Variants in ZC3H12B observed in about 807,000 individuals in gnomAD.
The protein encoded by ZC3H12B is zinc finger CCCH-type containing 12B, also known as probable ribonuclease ZC3H12B.
In ZC3H12B, 7 loss-of-function variants were observed where a neutral mutation model predicts 43.9. The observed-to-expected ratio is 0.16, with a 90% CI of 0.09 to 0.30. The LOEUF (loss-of-function observed/expected upper bound fraction) is 0.30. Among genes scored for constraint, ZC3H12B ranks in the 10% least tolerant of loss-of-function variants. The pLI, the probability that ZC3H12B is intolerant of heterozygous loss-of-function variation, is 1.00. For missense variants in ZC3H12B, 475 were observed against 670.2 expected, an observed-to-expected ratio of 0.71 and a Z score of 3.22; for synonymous variants, 222 against 241.7, an observed-to-expected ratio of 0.92 and a Z score of 0.76.
At chrX:65,157,358 C>A in the ZC3H12B span, among the ~76,000 whole-genome samples, 1 of 112,175 alleles carries the variant, frequency 8.9e-6, no homozygotes, top group Non-Finnish European at 1.9e-5. Context: ...TTCAGCCTTC[C>A]TTACTTTCTA....
the ZC3H12B span, among the ~76,000 whole-genome samples, chrX:65,246,217 G>T: frequency 1.3e-4 from 14 of 110,340 alleles, no homozygotes; most frequent in African/African-American, 4.2e-4. Context: ...GAGGTGAAAG[G>T]TCTCTATGGG....
chrX:65,138,400 A>G, the ZC3H12B span, among the ~76,000 whole-genome samples: 18 of 111,492 alleles, frequency 1.6e-4, no homozygotes, highest in East Asian at 4.0e-3. Flanking sequence ...TATTGCCACA[A>G]ATGACAGGAT....
chrX:65,057,043 T>G, the ZC3H12B span, among the ~76,000 whole-genome samples: 1 of 112,161 alleles, frequency 8.9e-6, no homozygotes, highest in African/African-American at 3.2e-5. Context: ...TTTATCCAAT[T>G]TGCCAGTCTG....
At chrX:65,209,664 G>C in the ZC3H12B span, among the ~76,000 whole-genome samples, 1 of 110,177 alleles carries the variant, frequency 9.1e-6, no homozygotes, top group Non-Finnish European at 1.9e-5. Flanking sequence ...TGTTGATTTG[G>C]GGTGGAGAGT....
chrX:65,405,242 G>A (rs571172812), intron 3 of ZC3H12B, among the ~76,000 whole-genome samples: 1 of 112,246 alleles, frequency 8.9e-6, no homozygotes, highest in African/African-American at 3.2e-5. Flanking sequence ...CAAAAAAGAG[G>A]AATAACTTCA....
intron 3 of ZC3H12B, among the ~76,000 whole-genome samples, chrX:65,430,530 T>C (rs2067145615): frequency 1.3e-5 from 1 of 78,992 alleles, no homozygotes; most frequent in Admixed American, 1.6e-4. Context: ...TGTGTGATGT[T>C]CCCCTTCCTG....
chrX:65,157,585 T>C, the ZC3H12B span, among the ~76,000 whole-genome samples: 155 of 111,615 alleles, frequency 1.4e-3, 1 homozygote, highest in African/African-American at 4.9e-3. Flanking sequence ...CCATTCTCTC[T>C]ATATTACTAT....
intron 3 of ZC3H12B, among the ~76,000 whole-genome samples, chrX:65,419,100 G>A (rs188422657): frequency 7.2e-5 from 8 of 110,876 alleles, no homozygotes; most frequent in Admixed American, 1.9e-4. Flanking sequence ...TGGTGGGCCC[G>A]TGGGTCCCCA....
At chrX:65,269,302 A>G in the ZC3H12B span, among the ~76,000 whole-genome samples, 3 of 108,470 alleles carry the variant, frequency 2.8e-5, no homozygotes, top group Non-Finnish European at 5.7e-5. Context: ...CGAAGATTGC[A>G]CCACTGCACT....
chrX:65,359,115 T>C, the ZC3H12B span, among the ~76,000 whole-genome samples: 1 of 110,954 alleles, frequency 9.0e-6, no homozygotes, highest in African/African-American at 3.3e-5. Context: ...CACTACAACA[T>C]GGTTTATTGA....
chrX:65,183,118 C>G, the ZC3H12B span, among the ~76,000 whole-genome samples: 135 of 111,856 alleles, frequency 1.2e-3, 1 homozygote, highest in South Asian at 0.011. Context: ...AAGACACATG[C>G]ACACATATGT....
chrX:65,069,647 T>A, the ZC3H12B span, among the ~76,000 whole-genome samples: 6 of 112,008 alleles, frequency 5.4e-5, no homozygotes, highest in Non-Finnish European at 9.4e-5. Context: ...TATTGAGAGT[T>A]TTTAACATGA....
chrX:65,125,647 T>A, the ZC3H12B span, among the ~76,000 whole-genome samples: 3 of 111,300 alleles, frequency 2.7e-5, no homozygotes, highest in Non-Finnish European at 5.7e-5. Context: ...TTTTATGAAT[T>A]TGGGAGCTCC....
chrX:65,374,549 C>G (rs972985016), intron 2 of ZC3H12B, among the ~76,000 whole-genome samples: 1 of 109,146 alleles, frequency 9.2e-6, no homozygotes, highest in Admixed American at 1.0e-4. Flanking sequence ...AATGTAATAA[C>G]TATCTAAACA....
the ZC3H12B span, among the ~76,000 whole-genome samples, chrX:65,294,970 A>T: frequency 1.8e-5 from 2 of 110,591 alleles, no homozygotes; most frequent in East Asian, 5.7e-4. Flanking sequence ...CAAAGAAACA[A>T]TGAACTTAAC....
intron 1 of ZC3H12B, among the ~76,000 whole-genome samples, chrX:65,496,640 T>G (rs1484304593): frequency 8.9e-6 from 1 of 111,823 alleles, no homozygotes; most frequent in African/African-American, 3.2e-5. Context: ...TTAAAAAGCA[T>G]GTTATTTGGC....
At chrX:65,095,822 T>C in the ZC3H12B span, among the ~76,000 whole-genome samples, 1 of 110,934 alleles carries the variant, frequency 9.0e-6, no homozygotes, top group African/African-American at 3.3e-5. Context: ...GTGCAGCATT[T>C]GCAAAGTTCA....
At chrX:65,413,831 T>C (rs865982251) in intron 3 of ZC3H12B, among the ~76,000 whole-genome samples, 1 of 112,354 alleles carries the variant, frequency 8.9e-6, no homozygotes, top group Non-Finnish European at 1.9e-5. Flanking sequence ...AAAGGCATCA[T>C]TGTAAATTTG....
chrX:65,093,211 A>C, the ZC3H12B span, among the ~76,000 whole-genome samples: 1 of 111,740 alleles, frequency 8.9e-6, no homozygotes, highest in Non-Finnish European at 1.9e-5. Context: ...CCTAGATTTC[A>C]GAAGATGTAT....
Sources: gnomAD v4.1 joint callset for allele counts (sites outside exome capture counted in the v4.1 genomes callset) on GRCh38, gnomAD v4.1.1 for gene constraint, MANE v1.5 for transcripts, NCBI Gene and HGNC (gene_info 2026-07-23, HGNC 2026-07-21) for gene names.